KCNMA1: variants seen among roughly 807,000 people sequenced by gnomAD.
KCNMA1 encodes potassium calcium-activated channel subfamily M alpha 1, also known as Calcium-activated potassium channel subunit alpha-1.
Under a neutral mutation model 140.0 loss-of-function variants are expected in KCNMA1, and 29 were observed. The observed-to-expected ratio is 0.21, with a 90% CI of 0.15 to 0.28. The LOEUF is 0.28. Ranked by LOEUF, KCNMA1 falls within the 10% of genes least tolerant of loss-of-function variation. The pLI is 1.00. For synonymous variants in KCNMA1, 612 were observed against 611.9 expected, an observed-to-expected ratio of 1.00 and a Z score of 0.00; for missense variants, 880 against 1,602.2, an observed-to-expected ratio of 0.55 and a Z score of 7.70.
chr10:77,125,464 T>C (rs2616641), intron 5 of KCNMA1, among the ~76,000 whole-genome samples: 130,707 of 152,242 alleles, frequency 0.86, 56,101 homozygotes, highest in East Asian at 0.92. Context: ...GAATGCTGTT[T>C]GCCAGATGCC....
chr10:77,178,400 C>T (rs2098772466), intron 5 of KCNMA1, among the ~76,000 whole-genome samples: 1 of 152,116 alleles, frequency 6.6e-6, no homozygotes, highest in Non-Finnish European at 1.5e-5. Flanking sequence ...CCTACAAGAT[C>T]ACCCTCAACA....
chr10:77,019,177 A>C, intron 16 of KCNMA1, 78 bp from the exon 17 acceptor site: 1 of 833,656 alleles, frequency 1.2e-6, no homozygotes, highest in South Asian at 1.4e-5. Flanking sequence ...AGGCTACACC[A>C]TACTGTTGTG....
rs551665918 is a variant in KCNMA1, at chr10:77,028,942, AAAC to A, written c.1860-1054_1860-1052del. Among the ~76,000 whole-genome samples, 20 of 152,336 alleles carry A rather than the reference AAAC, an allele frequency of 1.3e-4. No homozygotes were observed. In the South Asian group the frequency reaches 3.5e-3, roughly 27 times the overall value. ...TATTTATATGGAGTAGAAAAATAGA[AAAC>A]AACCTAAATGTCCAATAATAAGGCC... On this transcript the variant is annotated intron_variant, in intron 15 of 27. Coordinates refer to ENST00000286628, the MANE Select transcript of KCNMA1 (RefSeq NM_001161352.2).
chr10:77,324,772 G>A (rs1410687794), intron 2 of KCNMA1, among the ~76,000 whole-genome samples: 1 of 152,174 alleles, frequency 6.6e-6, no homozygotes, highest in Non-Finnish European at 1.5e-5. Context: ...TTGCCTACAA[G>A]TGGGTTCTGT....
At chr10:77,058,410 T>C (rs907173308) in intron 14 of KCNMA1, among the ~76,000 whole-genome samples, 7 of 152,056 alleles carry the variant, frequency 4.6e-5, no homozygotes, top group African/African-American at 1.7e-4. Flanking sequence ...AGCCGACTAG[T>C]AATAATTGAC....
chr10:77,344,389 T>C (rs570383587), intron 2 of KCNMA1, among the ~76,000 whole-genome samples: 1 of 152,282 alleles, frequency 6.6e-6, no homozygotes, highest in East Asian at 1.9e-4. Context: ...AAAGGAGGAT[T>C]AATCCATCCA....
chr10:77,558,336 C>T (rs1189510414), intron 1 of KCNMA1, among the ~76,000 whole-genome samples: 1 of 152,136 alleles, frequency 6.6e-6, no homozygotes, highest in African/African-American at 2.4e-5. Flanking sequence ...TGCCAAACAC[C>T]TCTGCACGCC....
At chr10:77,504,421 G>C (rs570095110) in intron 1 of KCNMA1, among the ~76,000 whole-genome samples, 1 of 152,246 alleles carries the variant, frequency 6.6e-6, no homozygotes, top group Non-Finnish European at 1.5e-5. Context: ...CCGAGCAACC[G>C]AGAGGGGTGC....
intron 1 of KCNMA1, among the ~76,000 whole-genome samples, chr10:77,539,049 G>T (rs998915782): frequency 1.3e-5 from 2 of 152,130 alleles, no homozygotes; most frequent in African/African-American, 4.8e-5. Context: ...TCCAATACAG[G>T]CTGGTTGGTC....
chr10:77,215,619 G>T (rs1253447078), intron 3 of KCNMA1, among the ~76,000 whole-genome samples: 2 of 152,132 alleles, frequency 1.3e-5, no homozygotes, highest in African/African-American at 4.8e-5. Flanking sequence ...CCAGAGCAGA[G>T]ATAATAAACT....
intron 1 of KCNMA1, among the ~76,000 whole-genome samples, chr10:77,619,456 A>G (rs1295595808): frequency 6.6e-6 from 1 of 152,078 alleles, no homozygotes; most frequent in Non-Finnish European, 1.5e-5. Context: ...GGTTCTTCCA[A>G]CATAGCCTCA....
At chr10:77,264,938 G>A (rs1406446439) in intron 2 of KCNMA1, among the ~76,000 whole-genome samples, 1 of 152,116 alleles carries the variant, frequency 6.6e-6, no homozygotes, top group Non-Finnish European at 1.5e-5. Flanking sequence ...GAGTTGACCT[G>A]GCAGGGGACA....
chr10:77,508,034 C>G (rs2046775670), intron 1 of KCNMA1, among the ~76,000 whole-genome samples: 1 of 152,178 alleles, frequency 6.6e-6, no homozygotes, highest in African/African-American at 2.4e-5. Flanking sequence ...TAATATGCAT[C>G]ATTTAAAAGC....
intron 1 of KCNMA1, among the ~76,000 whole-genome samples, chr10:77,561,223 C>G (rs2066291839): frequency 6.6e-6 from 1 of 152,078 alleles, no homozygotes; most frequent in Non-Finnish European, 1.5e-5. Flanking sequence ...CACACATTAT[C>G]TCCCTGGATG....
chr10:77,431,557 G>C (rs1050138405), intron 1 of KCNMA1, among the ~76,000 whole-genome samples: 1 of 152,050 alleles, frequency 6.6e-6, no homozygotes, highest in Non-Finnish European at 1.5e-5. Flanking sequence ...CCAGTCCAAA[G>C]AATACACAGG....
In KCNMA1 at chr10:77,184,856, G is replaced by A; in HGVS notation, c.663C>T (p.Phe221=). The part of the protein sequence containing the change: ...KDFTLQIDMA[F]NVFFLLYFGL... ...CGAAGTAGAGAAGGAAGAACACGTT[G>A]AAAGCCATGTCGATCTGTAATGTGA... The change falls in exon 4 of 28, where the codon TTC becomes TTT. Residue 221 remains phenylalanine, a synonymous_variant. Transcript: ENST00000286628. 2 of 1,612,632 alleles carry A rather than the reference G, an allele frequency of 1.2e-6. No homozygotes were observed. Among genetic ancestry groups the A allele is most frequent in the Non-Finnish European group, 8.5e-7 (1 of 1,178,752 alleles).
chr10:77,232,992 TCCTCTCATCTCAG>T (rs2054132312), intron 3 of KCNMA1, among the ~76,000 whole-genome samples: 1 of 151,646 alleles, frequency 6.6e-6, no homozygotes, highest in South Asian at 2.1e-4. Flanking sequence ...GCTCAAGTGA[TCCTCTCATCTCAG>T]CCTCTCAAGT....
At chr10:77,464,158 C>T (rs1330356974) in intron 1 of KCNMA1, among the ~76,000 whole-genome samples, 2 of 152,184 alleles carry the variant, frequency 1.3e-5, no homozygotes, top group African/African-American at 2.4e-5. Context: ...TGTGGTTTTG[C>T]AGGACTTGCT....
intron 23 of KCNMA1, among the ~76,000 whole-genome samples, chr10:76,922,343 C>G (rs113124587): frequency 2.6e-5 from 4 of 152,268 alleles, no homozygotes; most frequent in East Asian, 3.9e-4. Context: ...GTTTTCTGTT[C>G]CTTTTTAACT....
Sources: allele counts gnomAD v4.1 joint callset (sites outside exome capture counted in the v4.1 genomes callset), GRCh38; gene constraint gnomAD v4.1.1; transcripts MANE v1.5; gene names NCBI Gene and HGNC (gene_info 2026-07-23, HGNC 2026-07-21).